Variants in GPC6 observed in about 807,000 individuals in gnomAD.
The protein encoded by GPC6 is glypican 6.
In GPC6, 14 loss-of-function variants were observed where a neutral mutation model predicts 55.2. The ratio of observed to expected loss-of-function variants is 0.25; its 90% CI spans 0.17 to 0.40. The LOEUF is 0.40. Ranked by LOEUF, GPC6 falls within the 10% of genes least tolerant of loss-of-function variation. GPC6 has a pLI of 1.00. For missense variants in GPC6, 641 were observed against 708.5 expected (o/e 0.90, Z 1.08); for synonymous variants, 278 against 259.6 (o/e 1.07, Z -0.68).
intron 1 of GPC6, among the ~76,000 whole-genome samples, chr13:93,472,306 CT>C (rs199905910): frequency 1.3e-5 from 2 of 152,192 alleles, no homozygotes; most frequent in East Asian, 3.9e-4. Flanking sequence ...ATTCCATCCT[CT>C]TGGCCTAGCA....
At chr13:93,657,437 T>C (rs976333636) in intron 2 of GPC6, among the ~76,000 whole-genome samples, 5 of 152,076 alleles carry the variant, frequency 3.3e-5, no homozygotes, top group Non-Finnish European at 5.9e-5. Flanking sequence ...TTTCACCATA[T>C]ACAAAAATTA....
At chr13:93,578,300 T>G (rs1876763973) in intron 2 of GPC6, among the ~76,000 whole-genome samples, 1 of 152,082 alleles carries the variant, frequency 6.6e-6, no homozygotes, top group African/African-American at 2.4e-5. Context: ...TTTATTTTGG[T>G]AGAATTCAGC....
chr13:93,926,938 C>T (rs540734419), intron 3 of GPC6, among the ~76,000 whole-genome samples: 1 of 152,250 alleles, frequency 6.6e-6, no homozygotes, highest in Admixed American at 6.5e-5. Flanking sequence ...TGATGGCATA[C>T]AGTTCAGAGA....
At chr13:93,739,615 G>C (rs1289510574) in intron 2 of GPC6, among the ~76,000 whole-genome samples, 3 of 151,890 alleles carry the variant, frequency 2.0e-5, no homozygotes, top group Non-Finnish European at 4.4e-5. Context: ...ATTTCTAGTA[G>C]AGACGGAGTT....
chr13:93,902,162 T>C (rs1876396389), intron 3 of GPC6, among the ~76,000 whole-genome samples: 1 of 152,080 alleles, frequency 6.6e-6, no homozygotes, highest in Non-Finnish European at 1.5e-5. Flanking sequence ...CTGGAACTTA[T>C]CCCTCCAGCC....
chr13:93,965,743 A>C (rs1321930098), intron 3 of GPC6, among the ~76,000 whole-genome samples: 1 of 152,180 alleles, frequency 6.6e-6, no homozygotes, highest in Non-Finnish European at 1.5e-5. Context: ...GCCCTTGTCA[A>C]GCCACCAGAT....
At chr13:93,355,754 T>A (rs1212642978) in intron 1 of GPC6, among the ~76,000 whole-genome samples, 1 of 152,054 alleles carries the variant, frequency 6.6e-6, no homozygotes. Context: ...CAGGGAGGTG[T>A]TGTAGCAGTC....
chr13:93,517,649 A>G (rs943979254), intron 1 of GPC6, among the ~76,000 whole-genome samples: 9 of 152,024 alleles, frequency 5.9e-5, no homozygotes, highest in East Asian at 1.9e-4. Flanking sequence ...TTTTAGTCAG[A>G]TCTGCCCAGA....
At chr13:93,894,975 A>G (rs1014516298) in intron 3 of GPC6, among the ~76,000 whole-genome samples, 1 of 151,616 alleles carries the variant, frequency 6.6e-6, no homozygotes, top group Non-Finnish European at 1.5e-5. Flanking sequence ...CTGAATGCAT[A>G]TAGAGTGGTT....
chr13:94,276,320 G>C (rs1892200891), intron 4 of GPC6, among the ~76,000 whole-genome samples: 1 of 152,130 alleles, frequency 6.6e-6, no homozygotes, highest in Non-Finnish European at 1.5e-5. Context: ...TTTCAGGATG[G>C]ATTGTGTGTT....
chr13:93,960,614 G>C (rs2140382774), intron 3 of GPC6, among the ~76,000 whole-genome samples: 1 of 152,162 alleles, frequency 6.6e-6, no homozygotes, highest in South Asian at 2.1e-4. Flanking sequence ...CCACTCCTTG[G>C]GGGAGCATCT....
At chr13:93,734,305 G>A (rs997190667) in intron 2 of GPC6, among the ~76,000 whole-genome samples, 14 of 152,254 alleles carry the variant, frequency 9.2e-5, no homozygotes, top group Non-Finnish European at 1.8e-4. Context: ...AATCTCACTA[G>A]TGGGAACAAT....
intron 6 of GPC6, among the ~76,000 whole-genome samples, chr13:94,346,396 C>T (rs1343027049): frequency 6.6e-6 from 1 of 152,150 alleles, no homozygotes; most frequent in Non-Finnish European, 1.5e-5. Context: ...ATGTTCCACT[C>T]ATGTGGATGG....
At chr13:93,685,390 A>G (rs1422159101) in intron 2 of GPC6, among the ~76,000 whole-genome samples, 1 of 152,138 alleles carries the variant, frequency 6.6e-6, no homozygotes, top group East Asian at 1.9e-4. Context: ...AGTAGTTCCA[A>G]ATGATCAAGG....
At chr13:94,083,318 C>T (rs538004312) in intron 4 of GPC6, among the ~76,000 whole-genome samples, 1 of 152,244 alleles carries the variant, frequency 6.6e-6, no homozygotes, top group East Asian at 1.9e-4. Flanking sequence ...TGGGGTTTCA[C>T]CGTGTTAGCC....
intron 7 of GPC6, among the ~76,000 whole-genome samples, chr13:94,390,260 T>C (rs879703130): frequency 9.2e-5 from 14 of 152,214 alleles, no homozygotes; most frequent in Non-Finnish European, 2.1e-4. Context: ...TTTAACCTAA[T>C]TGTGGGGTGT....
chr13:93,441,480 A>T (rs1877799914), intron 1 of GPC6, among the ~76,000 whole-genome samples: 1 of 152,192 alleles, frequency 6.6e-6, no homozygotes. Context: ...TTTTGGCTGC[A>T]TAAATGTCTT....
At chr13:93,712,389 G>A (rs1392451996) in intron 2 of GPC6, among the ~76,000 whole-genome samples, 1 of 151,672 alleles carries the variant, frequency 6.6e-6, no homozygotes, top group East Asian at 2.0e-4. Context: ...ATGCAGGGAG[G>A]TAGCACGCAT....
At chr13:93,374,037 A>T (rs548763156) in intron 1 of GPC6, among the ~76,000 whole-genome samples, 4 of 152,172 alleles carry the variant, frequency 2.6e-5, no homozygotes, top group African/African-American at 4.8e-5. Context: ...ACAGTAGTGG[A>T]CATCTAGTGG....
Sources: allele counts gnomAD v4.1 joint callset (sites outside exome capture counted in the v4.1 genomes callset), GRCh38; gene constraint gnomAD v4.1.1; transcripts MANE v1.5; gene names NCBI Gene and HGNC (gene_info 2026-07-23, HGNC 2026-07-21).